UQCC5: variants seen among roughly 807,000 people sequenced by gnomAD.
UQCC5 encodes ubiquinol-cytochrome c reductase complex assembly factor 5.
At chr3:52,537,278 G>C in the UQCC5 span, among the ~76,000 whole-genome samples, 1 of 152,182 alleles carries the variant, frequency 6.6e-6, no homozygotes, top group African/African-American at 2.4e-5. Flanking sequence ...ATTTCTCTTT[G>C]GATTCTTCTG....
chr3:52,537,621 C>T, the UQCC5 span, among the ~76,000 whole-genome samples: 1 of 152,214 alleles, frequency 6.6e-6, no homozygotes, highest in Non-Finnish European at 1.5e-5. Flanking sequence ...ACTTAATGAG[C>T]ATTCTTGAGG....
the UQCC5 span, chr3:52,540,285 T>A: frequency 1.6e-6 from 1 of 631,422 alleles, no homozygotes; most frequent in African/African-American, 1.9e-5. Flanking sequence ...TTGTTTTAAG[T>A]TTATTTTGGC....
chr3:52,540,516 A>G, the UQCC5 span: 3 of 1,468,892 alleles, frequency 2.0e-6, no homozygotes, highest in Non-Finnish European at 2.7e-6. Context: ...TAAAGTCAAT[A>G]TGAATTTTTA....
chr3:52,539,520 C>G, the UQCC5 span, among the ~76,000 whole-genome samples: 3 of 151,978 alleles, frequency 2.0e-5, no homozygotes, highest in Non-Finnish European at 2.9e-5. Flanking sequence ...AGGCACAGGA[C>G]AGGGTCAAGG....
the UQCC5 span, chr3:52,540,677 T>G: frequency 2.1e-6 from 1 of 479,092 alleles, no homozygotes; most frequent in South Asian, 3.6e-5. Flanking sequence ...AAGTCACTGC[T>G]GGACAGCACT....
At chr3:52,540,493 C>A in the UQCC5 span, 1 of 1,516,772 alleles carries the variant, frequency 6.6e-7, no homozygotes, top group Non-Finnish European at 8.8e-7. Context: ...TGAGACTGAA[C>A]TTCAGCAGTC....
the UQCC5 span, chr3:52,541,251 G>A: frequency 6.6e-5 from 10 of 152,050 alleles, no homozygotes; most frequent in African/African-American, 2.2e-4. Flanking sequence ...CTGACCCAGT[G>A]TAAGTTTGGA....
At chr3:52,541,142 A>G in the UQCC5 span, 4 of 152,366 alleles carry the variant, frequency 2.6e-5, no homozygotes, top group East Asian at 7.7e-4. Context: ...CAGCTGCTAG[A>G]AACAGTTGCT....
the UQCC5 span, among the ~76,000 whole-genome samples, chr3:52,537,452 C>T: frequency 2.0e-5 from 3 of 152,160 alleles, no homozygotes; most frequent in African/African-American, 7.2e-5. Context: ...CTGGACAGGC[C>T]AGTTCCTTTC....
chr3:52,537,812 A>C, the UQCC5 span, among the ~76,000 whole-genome samples: 22 of 152,176 alleles, frequency 1.4e-4, no homozygotes, highest in African/African-American at 2.4e-4. Context: ...TTCCGGAAGC[A>C]GCTACCAAGT....
the UQCC5 span, chr3:52,536,894 CAGG>C: frequency 1.9e-6 from 3 of 1,551,600 alleles, no homozygotes; most frequent in Non-Finnish European, 2.6e-6. Context: ...GCGCGTGGGC[CAGG>C]AGACCTTCTG....
chr3:52,538,136 GCCT>G, the UQCC5 span, among the ~76,000 whole-genome samples: 1 of 152,250 alleles, frequency 6.6e-6, no homozygotes, highest in South Asian at 2.1e-4. Context: ...TGAGACAGTG[GCCT>G]GGTCTAGGTT....
At chr3:52,538,896 G>A in the UQCC5 span, among the ~76,000 whole-genome samples, 1 of 152,186 alleles carries the variant, frequency 6.6e-6, no homozygotes, top group Non-Finnish European at 1.5e-5. Flanking sequence ...CCTTCCTCTA[G>A]GAGAGACTGC....
the UQCC5 span, among the ~76,000 whole-genome samples, chr3:52,539,248 AG>A: frequency 6.6e-6 from 1 of 152,196 alleles, no homozygotes; most frequent in Non-Finnish European, 1.5e-5. Context: ...AGGGTGTGTC[AG>A]GAAGTTAAGA....
chr3:52,538,727 C>T, the UQCC5 span, among the ~76,000 whole-genome samples: 3 of 152,290 alleles, frequency 2.0e-5, no homozygotes, highest in East Asian at 3.9e-4. Context: ...TCCCAAAGTG[C>T]TGGGATTACA....
chr3:52,540,529 A>G, the UQCC5 span: 1 of 1,408,634 alleles, frequency 7.1e-7, no homozygotes, highest in Non-Finnish European at 9.6e-7. Context: ...AATTTTTACT[A>G]TTGGTTTCAG....
At chr3:52,537,919 GA>G in the UQCC5 span, among the ~76,000 whole-genome samples, 8 of 152,360 alleles carry the variant, frequency 5.3e-5, no homozygotes, top group Non-Finnish European at 1.0e-4. Context: ...GCACTTGTGT[GA>G]GAGTATGCTG....
the UQCC5 span, chr3:52,536,754 G>T: frequency 6.4e-7 from 1 of 1,551,854 alleles, no homozygotes; most frequent in Admixed American, 2.0e-5. Context: ...CCTCGGTCGA[G>T]CATGTTCACC....
the UQCC5 span, chr3:52,541,649 G>C: frequency 6.6e-6 from 1 of 152,098 alleles, no homozygotes; most frequent in Admixed American, 6.6e-5. Flanking sequence ...AGAGGACGGT[G>C]GTTCATCGTA....
Sources: gnomAD v4.1 joint callset for allele counts (sites outside exome capture counted in the v4.1 genomes callset) on GRCh38, gnomAD v4.1.1 for gene constraint, MANE v1.5 for transcripts, NCBI Gene and HGNC (gene_info 2026-07-23, HGNC 2026-07-21) for gene names.